The following SLC30A9 variants were observed in gnomAD, a reference collection of about 807,000 sequenced individuals.
The protein encoded by SLC30A9 is proton-coupled zinc antiporter SLC30A9, mitochondrial.
SLC30A9 carries 58 observed loss-of-function variants against 87.5 expected under a neutral mutation model. The observed-to-expected ratio is 0.66, with a 90% CI of 0.54 to 0.82. The LOEUF is 0.82. Ranked by LOEUF, SLC30A9 falls within the 40% of genes least tolerant of loss-of-function variation. The pLI, the probability that SLC30A9 is intolerant of heterozygous loss-of-function variation, is 0.00. For synonymous variants in SLC30A9, 234 were observed against 233.0 expected, an observed-to-expected ratio of 1.00 and a Z score of -0.04; for missense variants, 557 against 679.1, an observed-to-expected ratio of 0.82 and a Z score of 2.00.
intron 7 of SLC30A9, among the ~76,000 whole-genome samples, chr4:42,036,746 C>A (rs183329686): frequency 6.6e-6 from 1 of 152,342 alleles, no homozygotes; most frequent in East Asian, 1.9e-4. Context: ...ATTTCCATTT[C>A]CCCTTTGATC....
At chr4:42,075,352 G>T (rs1398167847) in intron 15 of SLC30A9, among the ~76,000 whole-genome samples, 1 of 151,642 alleles carries the variant, frequency 6.6e-6, no homozygotes, top group Non-Finnish European at 1.5e-5. Flanking sequence ...GGGATTACAG[G>T]CATGAGCCAC....
chr4:42,020,671 A>G, intron 4 of SLC30A9, 156 bp downstream of exon 4: 1 of 492,260 alleles, frequency 2.0e-6, no homozygotes, highest in Non-Finnish European at 3.5e-6. Flanking sequence ...AAAAATGTTA[A>G]AAATTGTTAG....
chr4:42,019,928 G>A (rs1715876635), intron 3 of SLC30A9, among the ~76,000 whole-genome samples: 1 of 151,850 alleles, frequency 6.6e-6, no homozygotes, highest in Non-Finnish European at 1.5e-5. Flanking sequence ...TGAGAAGCTG[G>A]GATTACAGGC....
chr4:42,079,743 G>A (rs1366530595), intron 17 of SLC30A9, among the ~76,000 whole-genome samples: 1 of 151,968 alleles, frequency 6.6e-6, no homozygotes, highest in Non-Finnish European at 1.5e-5. Flanking sequence ...AAGTAGCTGG[G>A]ATAACAGGCA....
chr4:42,004,830 A>G (rs1184657756), intron 2 of SLC30A9, among the ~76,000 whole-genome samples: 3 of 151,280 alleles, frequency 2.0e-5, no homozygotes, highest in African/African-American at 4.9e-5. Context: ...TTATTTTTAT[A>G]TTTTGTAGAG....
intron 9 of SLC30A9, among the ~76,000 whole-genome samples, chr4:42,058,404 A>T (rs1400068474): frequency 1.3e-5 from 2 of 152,184 alleles, no homozygotes; most frequent in African/African-American, 4.8e-5. Context: ...GTCTCTAGGA[A>T]ATTCCAAACT....
rs929261775 is a variant in SLC30A9, at chr4:42,029,812, C to G, written c.611-5463C>G. 9.6e-6 allele frequency: 7 copies of G among 729,080 alleles called. No individual in the cohort carries two copies. The African/African-American group carries it at 1.2e-4, about 13-fold the overall frequency. The allele number at this position is 729,080 out of a possible 1,614,324, so 45.2% of individuals were successfully genotyped here. A position where few individuals can be genotyped will look rare whatever the true frequency, so the allele number is the denominator to read the frequency against. Reference sequence around the variant, plus strand: ...GAGAATGAGTCCTTGGAGACTTACCCAGTGATGAAGTATAACGCATCTGTG... The same window carrying G: ...GAGAATGAGTCCTTGGAGACTTACCGAGTGATGAAGTATAACGCATCTGTG... On this transcript the variant is annotated intron_variant, in intron 6 of 17. Transcript: ENST00000264451.
At chr4:42,057,961 G>T (rs929181737) in intron 9 of SLC30A9, among the ~76,000 whole-genome samples, 1 of 152,130 alleles carries the variant, frequency 6.6e-6, no homozygotes, top group East Asian at 1.9e-4. Context: ...AATTAGCTGG[G>T]TGTGGTGGCA....
intron 2 of SLC30A9, among the ~76,000 whole-genome samples, chr4:42,008,507 G>T (rs1412490125): frequency 6.6e-6 from 1 of 152,168 alleles, no homozygotes; most frequent in African/African-American, 2.4e-5. Flanking sequence ...TAAAGATTTA[G>T]GAGTTTTTAC....
intron 3 of SLC30A9, among the ~76,000 whole-genome samples, chr4:42,019,991 G>A (rs1304238169): frequency 2.0e-5 from 3 of 151,830 alleles, no homozygotes; most frequent in African/African-American, 7.3e-5. Context: ...GTAGAGACAG[G>A]GTTTCACCAT....
At chr4:42,022,155 G>A (rs1192471773) in intron 4 of SLC30A9, among the ~76,000 whole-genome samples, 9 of 151,362 alleles carry the variant, frequency 5.9e-5, no homozygotes, top group Non-Finnish European at 1.2e-4. Flanking sequence ...GTCTAGTCTC[G>A]AACTCCTGAC....
Position 42,089,932 on chromosome 4 carries a change from A to G in SLC30A9, c.*3806A>G, listed in dbSNP as rs2153142150. 6.6e-6 allele frequency: 1 copy of G among 152,352 alleles called. No homozygotes were observed. The highest frequency in any genetic ancestry group is 1.9e-4 in the East Asian group (1 of 5,194). The allele number at this position is 152,352 out of a possible 1,614,324, so 9.4% of individuals were successfully genotyped here. ...GTCATAAGGCTTGAGTTTTTGGTATATGGCTTTCAGTGTTACCTTATCTCA... is the reference window on the plus strand; with the variant it reads ...GTCATAAGGCTTGAGTTTTTGGTATGTGGCTTTCAGTGTTACCTTATCTCA... On this transcript the variant is annotated 3_prime_UTR_variant, in exon 18 of 18. Coordinates refer to ENST00000264451, the MANE Select transcript of SLC30A9 (RefSeq NM_006345.4).
Position 42,049,398 on chromosome 4 carries a change from TA to T in SLC30A9, c.762del (p.Lys254AsnfsTer30). Reference protein sequence around the residue: ...ICINGLNCFFKFLAWIYTGSA... With the variant: ...ICINGLNCFFXFLAWIYTGSA... ...CTAGCAATGGATTAAACTGCTTCTTTAAATTTCTTGCCTGGATTTATACCGG... is the reference window on the plus strand; with the variant it reads ...CTAGCAATGGATTAAACTGCTTCTTTAATTTCTTGCCTGGATTTATACCGG... On this transcript the variant is annotated frameshift_variant, in exon 9 of 18. Transcript: ENST00000264451. LOFTEE classifies it high-confidence loss of function. 2.5e-6 allele frequency: 4 copies of T among 1,610,774 alleles called. No individual in the cohort carries two copies. Among genetic ancestry groups the T allele is most frequent in the Non-Finnish European group, 3.4e-6 (4 of 1,177,870 alleles).
chr4:42,035,276 G>T lies in SLC30A9; in HGVS notation c.612G>T (p.Arg204Ser), dbSNP rs1038959317. 1 of 1,597,260 alleles carries T rather than the reference G, an allele frequency of 6.3e-7. No individual in the cohort carries two copies. The highest frequency in any genetic ancestry group is 1.3e-5 in the African/African-American group (1 of 74,528). The change falls in exon 7 of 18, where the codon AGG (arginine) becomes AGT (serine). Residue 204 changes from arginine (R) to serine (S), a missense_variant and splice_region_variant. Around this residue, in one of 2 missense-constraint regions of SLC30A9, gnomAD observed 467 missense variants for 529.8 expected, o/e 0.88. Coordinates refer to ENST00000264451, the MANE Select transcript of SLC30A9 (RefSeq NM_006345.4). ...RKEAEIEYRE[R>S]LFRNQKILRE... ...AAATTTATTTTGTTATTCTTACAGGGCTATTTAGAAACCAAAAAATATTAA... is the reference window on the plus strand; with the variant it reads ...AAATTTATTTTGTTATTCTTACAGGTCTATTTAGAAACCAAAAAATATTAA...
chr4:42,065,425 T>G, intron 12 of SLC30A9, 76 bp downstream of exon 12: 1 of 844,558 alleles, frequency 1.2e-6, no homozygotes, highest in Non-Finnish European at 2.0e-6. Context: ...TATAGTTTGC[T>G]AAGTTCTGTT....
At chr4:42,032,291 T>C (rs963634445) in intron 6 of SLC30A9, among the ~76,000 whole-genome samples, 3 of 152,038 alleles carry the variant, frequency 2.0e-5, no homozygotes, top group Non-Finnish European at 4.4e-5. Flanking sequence ...CCAAACCATG[T>C]CACCAGCCCT....
At position 42,086,444 on chromosome 4, in the gene SLC30A9, T is replaced by G; in HGVS notation, c.*318T>G. ...GTTCAGTGTATACTGTACTTTGCAA[T>G]CATCTTTCCTTTTTTCACATTGGTA... On this transcript the variant is annotated 3_prime_UTR_variant, in exon 18 of 18. Coordinates refer to ENST00000264451, the MANE Select transcript of SLC30A9 (RefSeq NM_006345.4). 4.7e-6 allele frequency: 1 copy of G among 213,028 alleles called. No individual in the cohort carries two copies. Among genetic ancestry groups the G allele is most frequent in the Non-Finnish European group, 9.2e-6 (1 of 108,300 alleles). 13.2% of individuals were successfully genotyped at this position (213,028 alleles called of 1,614,324 possible). A position where few individuals can be genotyped will look rare whatever the true frequency, so the allele number is the denominator to read the frequency against.
At chr4:42,003,999 A>G (rs1715092084) in intron 2 of SLC30A9, among the ~76,000 whole-genome samples, 2 of 152,158 alleles carry the variant, frequency 1.3e-5, no homozygotes, top group Admixed American at 6.5e-5. Context: ...TAAAGTATGC[A>G]TTGTTGCTTG....
At chr4:42,063,301 C>G (rs555370081) in intron 11 of SLC30A9, among the ~76,000 whole-genome samples, 180 bp downstream of exon 11, 1 of 152,202 alleles carries the variant, frequency 6.6e-6, no homozygotes, top group South Asian at 2.1e-4. Context: ...CCTCTAAATC[C>G]ATAAGATTCA....
Sources: gnomAD v4.1 joint callset for allele counts (sites outside exome capture counted in the v4.1 genomes callset) on GRCh38, gnomAD v4.1.1 for gene constraint, gnomAD v4.1.1 regional missense constraint, MANE v1.5 for transcripts, NCBI Gene and HGNC (gene_info 2026-07-23, HGNC 2026-07-21) for gene names.